The following EML5 variants were observed in gnomAD, a reference collection of about 807,000 sequenced individuals.
EML5 encodes echinoderm microtubule-associated protein-like 5.
In EML5, 120 loss-of-function variants were observed where a neutral mutation model predicts 250.0. That is an observed-to-expected ratio of 0.48 (90% confidence interval 0.41 to 0.56). EML5 has a LOEUF of 0.56. Among genes scored for constraint, EML5 ranks in the 20% least tolerant of loss-of-function variants. The pLI is 0.00. For missense variants in EML5, 2,006 were observed against 2,437.6 expected (o/e 0.82, Z 3.73); for synonymous variants, 771 against 806.5 (o/e 0.96, Z 0.75).
At chr14:88,731,323 G>GT (rs1296405032) in intron 7 of EML5, among the ~76,000 whole-genome samples, 13 of 81,062 alleles carry the variant, frequency 1.6e-4, no homozygotes, top group Non-Finnish European at 2.0e-5. Context: ...TGCAGTGTTT[G>GT]GTTTTTGTCC....
chr14:88,749,287 T>C (rs1187729227), intron 2 of EML5, among the ~76,000 whole-genome samples: 1 of 152,176 alleles, frequency 6.6e-6, no homozygotes, highest in African/African-American at 2.4e-5. Context: ...ACAAACAGTT[T>C]AAAGTGCTGA....
At chr14:88,727,177 T>C (rs2093679054) in intron 7 of EML5, among the ~76,000 whole-genome samples, 1 of 152,194 alleles carries the variant, frequency 6.6e-6, no homozygotes, top group Non-Finnish European at 1.5e-5. Flanking sequence ...AATGTAACAC[T>C]CAAAGTCCAA....
At chr14:88,746,402 G>A (rs2094004935) in intron 2 of EML5, 119 bp from the exon 3 acceptor site, 5 of 762,004 alleles carry the variant, frequency 6.6e-6, no homozygotes, top group Middle Eastern at 2.4e-4. Flanking sequence ...AAACATATAT[G>A]CCTATATTTT....
chr14:88,709,742 T>C (rs769180685), intron 10 of EML5, among the ~76,000 whole-genome samples: 2 of 152,124 alleles, frequency 1.3e-5, no homozygotes, highest in South Asian at 2.1e-4. Context: ...GCATTTAATA[T>C]CAAAAGATGG....
chr14:88,621,896 T>C, intron 37 of EML5: 2 of 456,480 alleles, frequency 4.4e-6, no homozygotes, highest in South Asian at 3.1e-5. Context: ...AATCCTCTCT[T>C]GTAAATACCT....
chr14:88,767,667 A>T (rs916412212), intron 1 of EML5, among the ~76,000 whole-genome samples: 1 of 152,078 alleles, frequency 6.6e-6, no homozygotes, highest in African/African-American at 2.4e-5. Flanking sequence ...TCTTAATGGT[A>T]TATTTAAAAG....
intron 27 of EML5, among the ~76,000 whole-genome samples, chr14:88,656,376 CA>C (rs1431608760): frequency 6.6e-6 from 1 of 152,188 alleles, no homozygotes; most frequent in Admixed American, 6.5e-5. Context: ...AACAGAAAAC[CA>C]AACACCACAT....
Position 88,736,440 on chromosome 14 carries a change from C to T in EML5, c.973G>A (p.Glu325Lys), listed in dbSNP as rs776575269. Residue 325 changes from glutamate (E) to lysine (K), a missense_variant, in exon 7 of 44, where the codon GAA (glutamate) becomes AAA (lysine). Around this residue, in one of 7 missense-constraint regions of EML5, gnomAD observed 1,375 missense variants for 1,590.3 expected, o/e 0.86. Coordinates refer to ENST00000554922, the MANE Select transcript of EML5 (RefSeq NM_183387.3). Reference sequence around the variant, plus strand: ...ACAGCAAGTGCCCAAAGTTCACCTTCACAATGCCCTTGCATAATTAGAAAA... The same window carrying T: ...ACAGCAAGTGCCCAAAGTTCACCTTTACAATGCCCTTGCATAATTAGAAAA... ...KPFLIMQGHC[E>K]GELWALAVHP... is the part of the protein sequence containing the mutation. 1 of 1,614,044 alleles carries T rather than the reference C, an allele frequency of 6.2e-7. No homozygotes were observed.
intron 23 of EML5, among the ~76,000 whole-genome samples, chr14:88,663,349 C>G: frequency 6.6e-6 from 1 of 151,920 alleles, no homozygotes; most frequent in East Asian, 1.9e-4. Context: ...AAAATGATTT[C>G]TTTGGTTATG....
At position 88,792,725 on chromosome 14, in the gene EML5, C is replaced by T; in HGVS notation, c.-222G>A. ...CGCGGAACATGCTGAGGGCCGCGAGCGCCGCCGGCTGTCAAGTGGATGCCC... is the reference window on the plus strand; with the variant it reads ...CGCGGAACATGCTGAGGGCCGCGAGTGCCGCCGGCTGTCAAGTGGATGCCC... On this transcript the variant is annotated 5_prime_UTR_variant, in exon 1 of 44. Coordinates refer to ENST00000554922, the MANE Select transcript of EML5 (RefSeq NM_183387.3). The surrounding 1 kb of genome is among the most constrained non-coding windows in gnomAD (Gnocchi z 6.9). 9.2e-7 allele frequency: 1 copy of T among 1,089,848 alleles called. No homozygotes were observed. The highest frequency in any genetic ancestry group is 1.1e-6 in the Non-Finnish European group (1 of 898,400). 67.5% of individuals were successfully genotyped at this position (1,089,848 alleles called of 1,614,324 possible).
In EML5 at chr14:88,618,212, A is replaced by G. The variant is rs1433531381; in HGVS notation, c.5642+16T>C. On this transcript the variant is annotated intron_variant, in intron 41 of 43. Transcript: ENST00000554922. ...TTCAAAGTCAGTTCTTGCCTTGTGA[A>G]TATATAAGTATTTACCTAGTCCATG... 1.9e-6 allele frequency: 3 copies of G among 1,608,546 alleles called. No individual in the cohort carries two copies. The South Asian group carries it at 3.3e-5, about 18-fold the overall frequency.
chr14:88,669,522 C>T (rs2092399780), intron 21 of EML5, among the ~76,000 whole-genome samples: 2 of 152,180 alleles, frequency 1.3e-5, no homozygotes, highest in Non-Finnish European at 2.9e-5. Context: ...TAACCCCTCA[C>T]TGTGCGGGGC....
intron 37 of EML5, chr14:88,622,214 A>AT (rs2089121267): frequency 5.7e-6 from 1 of 174,156 alleles, no homozygotes; most frequent in African/African-American, 2.4e-5. Flanking sequence ...GAATTTCATT[A>AT]TTTTTTATGG....
At chr14:88,724,932 C>T (rs1595678748) in intron 8 of EML5, among the ~76,000 whole-genome samples, 1 of 152,164 alleles carries the variant, frequency 6.6e-6, no homozygotes, top group Admixed American at 6.5e-5. Flanking sequence ...GTATGGATAG[C>T]CCAACAGGGA....
chr14:88,749,063 C>T (rs1425256631), intron 2 of EML5, among the ~76,000 whole-genome samples: 1 of 150,682 alleles, frequency 6.6e-6, no homozygotes, highest in Non-Finnish European at 1.5e-5. Flanking sequence ...CATAAATCCA[C>T]AAATTTAAGA....
rs761432121 is a variant in EML5 at position 88,618,247 on chromosome 14, T to C, written c.5623A>G (p.Thr1875Ala). ...LMDHAAIDRI[T>A]WATWTSILGD... ...ATTTACCTAGTCCATGTAGCCCAAG[T>C]AATTCTGTCAATAGCGGCATGATCC... Residue 1875 changes from threonine to alanine, a missense_variant, in exon 41 of 44, where the codon ACT becomes GCT. Thr to Ala is a moderately conservative substitution (Grantham distance 58). This residue lies in a region of EML5 where 405 missense variants were observed against 523.3 expected (regional missense o/e 0.77). Transcript: ENST00000554922. 2 of 1,613,808 alleles carry C rather than the reference T, an allele frequency of 1.2e-6. No individual in the cohort carries two copies. Among genetic ancestry groups the C allele is most frequent in the African/African-American group, 1.3e-5 (1 of 75,050 alleles).
chr14:88,656,987 T>C (rs2091896451), intron 27 of EML5, among the ~76,000 whole-genome samples: 3 of 152,190 alleles, frequency 2.0e-5, no homozygotes, highest in South Asian at 4.1e-4. Context: ...CAATAGGGTT[T>C]TGTTTTTGTG....
intron 1 of EML5, among the ~76,000 whole-genome samples, chr14:88,759,375 T>C (rs1327934983): frequency 6.6e-6 from 1 of 151,998 alleles, no homozygotes; most frequent in Non-Finnish European, 1.5e-5. Flanking sequence ...ATGAGGGAAA[T>C]TTCCCCAAGC....
At chr14:88,730,052 T>C (rs1471517389) in intron 7 of EML5, among the ~76,000 whole-genome samples, 1 of 152,156 alleles carries the variant, frequency 6.6e-6, no homozygotes, top group African/African-American at 2.4e-5. Flanking sequence ...TTGAGGGCTA[T>C]CTGTATTACC....
Sources: gnomAD v4.1 joint callset for allele counts (sites outside exome capture counted in the v4.1 genomes callset) on GRCh38, gnomAD v4.1.1 for gene constraint, gnomAD v4.1.1 regional missense constraint, Gnocchi (gnomAD v3.1) non-coding constraint, MANE v1.5 for transcripts, NCBI Gene and HGNC (gene_info 2026-07-23, HGNC 2026-07-21) for gene names.